Variants in FAM241A observed in about 807,000 individuals in gnomAD.
FAM241A encodes uncharacterized protein FAM241A.
A neutral mutation model predicts 12.2 loss-of-function variants in FAM241A; 7 were observed. That is an observed-to-expected ratio of 0.58 (90% CI 0.33 to 1.08). The LOEUF is 1.08. Ranked by LOEUF, FAM241A falls within the 50% of genes least tolerant of loss-of-function variation. The probability of loss-of-function intolerance (pLI) is 0.04; values close to 1 mark genes in which losing one functional copy is unlikely to be tolerated. For synonymous variants in FAM241A, 74 were observed against 68.2 expected, an observed-to-expected ratio of 1.08 and a Z score of -0.42; for missense variants, 161 against 169.7, an observed-to-expected ratio of 0.95 and a Z score of 0.29.
chr4:112,153,501 G>C (rs1451125400), intron 1 of FAM241A, among the ~76,000 whole-genome samples: 1 of 152,136 alleles, frequency 6.6e-6, no homozygotes, highest in Admixed American at 6.6e-5. Context: ...GTTCCTACTA[G>C]TTATGTTTTA....
intron 1 of FAM241A, among the ~76,000 whole-genome samples, chr4:112,162,081 C>T (rs1723483704): frequency 6.6e-6 from 1 of 152,138 alleles, no homozygotes; most frequent in African/African-American, 2.4e-5. Context: ...TCAAGAGATG[C>T]AGAAAAGGCC....
Position 112,187,810 on chromosome 4 carries a change from C to T in FAM241A, c.*872C>T, listed in dbSNP as rs1319831521. On this transcript the variant is annotated 3_prime_UTR_variant, in exon 2 of 2. Coordinates refer to ENST00000309733, the MANE Select transcript of FAM241A (RefSeq NM_152400.3). The stretch of plus-strand genomic sequence containing the variant: ...ATAATTTTATAGTTCTTTCATAACA[C>T]TTATTCTGAGTTTTGAAACAATGTA... The T allele has an allele frequency of 6.6e-6, 1 of 152,218 alleles. No homozygotes were observed. Among genetic ancestry groups the T allele is most frequent in the Non-Finnish European group, 1.5e-5 (1 of 67,956 alleles). The allele number at this position is 152,218 out of a possible 1,614,324, so 9.4% of individuals were successfully genotyped here. A position where few individuals can be genotyped will look rare whatever the true frequency, so the allele number is the denominator to read the frequency against.
intron 1 of FAM241A, among the ~76,000 whole-genome samples, chr4:112,162,539 G>C (rs955359891): frequency 1.3e-4 from 20 of 152,072 alleles, no homozygotes; most frequent in African/African-American, 4.6e-4. Flanking sequence ...GAGCCAAATC[G>C]TGAGTGAACT....
intron 1 of FAM241A, among the ~76,000 whole-genome samples, chr4:112,174,000 A>G (rs1250776769): frequency 1.3e-5 from 2 of 152,252 alleles, no homozygotes; most frequent in East Asian, 3.8e-4. Context: ...AGAATTATTC[A>G]TTCAAGAAAA....
intron 1 of FAM241A, among the ~76,000 whole-genome samples, chr4:112,164,008 G>C (rs1221266064): frequency 6.6e-6 from 1 of 151,978 alleles, no homozygotes; most frequent in Admixed American, 6.6e-5. Flanking sequence ...GCAAACTGTT[G>C]CAAGGACAGA....
At position 112,190,022 on chromosome 4, in the gene FAM241A, G is replaced by C. The variant is rs1218397760; in HGVS notation, c.*3084G>C. ...ATCGACCCACCCAAAACTGAATCTG[G>C]CTCTTTCCCTTGTGGGTATTATGGT... On this transcript the variant is annotated 3_prime_UTR_variant, in exon 2 of 2. Transcript: ENST00000309733. 7.1e-6 allele frequency: 1 copy of C among 140,874 alleles called. No homozygotes were observed. Among genetic ancestry groups the C allele is most frequent in the Non-Finnish European group, 1.6e-5 (1 of 64,080 alleles). The allele number at this position is 140,874 out of a possible 1,614,324, so 8.7% of individuals were successfully genotyped here.
intron 1 of FAM241A, among the ~76,000 whole-genome samples, chr4:112,179,932 T>TATAC (rs1220392844): frequency 1.6e-5 from 2 of 128,038 alleles, no homozygotes; most frequent in African/African-American, 2.8e-5. Context: ...TATATATATA[T>TATAC]ATATATGTAT....
Position 112,145,544 on chromosome 4 carries a change from C to T in FAM241A, c.-37C>T. On this transcript the variant is annotated 5_prime_UTR_variant, in exon 1 of 2. Coordinates refer to ENST00000309733, the MANE Select transcript of FAM241A (RefSeq NM_152400.3). ...GCCTGGTGCGTCGCGGCGTGGTCCT[C>T]CGGCGGCTGTCCGGGGCGGTAGGAG... 1 of 1,235,820 alleles carries T rather than the reference C, an allele frequency of 8.1e-7. No individual in the cohort carries two copies. 76.6% of individuals were successfully genotyped at this position (1,235,820 alleles called of 1,614,324 possible).
chr4:112,183,305 A>C lies in FAM241A; in HGVS notation c.154-3388A>C, dbSNP rs891483472. ...TTTATAATTAAAAAAAAAGAAGAAG[A>C]AGCAGGCTGCAACAGCCACAGCTTG... On this transcript the variant is annotated intron_variant, in intron 1 of 1. Transcript: ENST00000309733. 3.3e-5 allele frequency among the ~76,000 whole-genome samples: 5 copies of C among 151,994 alleles called. No homozygotes were observed. In the East Asian group the frequency reaches 5.8e-4, roughly 18 times the overall value.
chr4:112,162,248 G>A lies in FAM241A; in HGVS notation c.153+16515G>A, dbSNP rs562767959. Among the ~76,000 whole-genome samples the A allele has an allele frequency of 5.1e-4, 78 of 152,150 alleles. 1 individual carries two copies. Among genetic ancestry groups the A allele is most frequent in the Non-Finnish European group, 8.7e-4 (59 of 67,992 alleles). Reference sequence around the variant, plus strand: ...GGAAGCATTCCCTTTGAAAACTGGCGCAGGACAGGGATGCCCTCTCTCACC... The same window carrying A: ...GGAAGCATTCCCTTTGAAAACTGGCACAGGACAGGGATGCCCTCTCTCACC... On this transcript the variant is annotated intron_variant, in intron 1 of 1. Transcript: ENST00000309733.
chr4:112,160,697 T>TAA (rs1017803556), intron 1 of FAM241A, among the ~76,000 whole-genome samples: 3 of 152,058 alleles, frequency 2.0e-5, no homozygotes, highest in African/African-American at 4.8e-5. Flanking sequence ...GGTACTGGCA[T>TAA]AAAAACAGAC....
chr4:112,187,620 A>G lies in FAM241A; in HGVS notation c.*682A>G, dbSNP rs1206147536. The G allele has an allele frequency of 6.6e-6, 1 of 152,362 alleles. No homozygotes were observed. The highest frequency in any genetic ancestry group is 1.5e-5 in the Non-Finnish European group (1 of 67,906). The allele number at this position is 152,362 out of a possible 1,614,324, so 9.4% of individuals were successfully genotyped here. A position where few individuals can be genotyped will look rare whatever the true frequency, so the allele number is the denominator to read the frequency against. ...GGACCTAGACCTACTTTAATATATCATTTGAAGTTTCAGACAATTTTGGTG... is the reference window on the plus strand; with the variant it reads ...GGACCTAGACCTACTTTAATATATCGTTTGAAGTTTCAGACAATTTTGGTG... On this transcript the variant is annotated 3_prime_UTR_variant, in exon 2 of 2. Coordinates refer to ENST00000309733, the MANE Select transcript of FAM241A (RefSeq NM_152400.3).
intron 1 of FAM241A, among the ~76,000 whole-genome samples, chr4:112,174,961 A>G (rs982984915): frequency 3.9e-5 from 6 of 152,216 alleles, no homozygotes; most frequent in Non-Finnish European, 8.8e-5. Flanking sequence ...TGCCCAAGGC[A>G]TTTCTCTGTC....
chr4:112,172,910 C>G (rs1723751573), intron 1 of FAM241A, among the ~76,000 whole-genome samples: 2 of 152,082 alleles, frequency 1.3e-5, no homozygotes, highest in Non-Finnish European at 2.9e-5. Flanking sequence ...TGTTTTGAGG[C>G]AAGGTCTGGC....
At chr4:112,180,398 A>G (rs1723910486) in intron 1 of FAM241A, among the ~76,000 whole-genome samples, 1 of 152,192 alleles carries the variant, frequency 6.6e-6, no homozygotes, top group Non-Finnish European at 1.5e-5. Flanking sequence ...ATAATTTAAA[A>G]TTAAAACTTT....
chr4:112,147,401 C>T (rs1007219060), intron 1 of FAM241A, among the ~76,000 whole-genome samples: 2 of 152,182 alleles, frequency 1.3e-5, no homozygotes, highest in Admixed American at 1.3e-4. Context: ...GCATTTCCTA[C>T]TACATTAGCA....
chr4:112,176,948 T>C (rs1408388954), intron 1 of FAM241A, among the ~76,000 whole-genome samples: 2 of 152,218 alleles, frequency 1.3e-5, no homozygotes, highest in African/African-American at 4.8e-5. Context: ...TGCACTCATG[T>C]ACTGGTTTAT....
intron 1 of FAM241A, among the ~76,000 whole-genome samples, chr4:112,172,549 T>C (rs1021739781): frequency 2.0e-5 from 3 of 152,240 alleles, no homozygotes; most frequent in Admixed American, 6.5e-5. Flanking sequence ...CCAATTCTTT[T>C]GATTTAGTTT....
intron 1 of FAM241A, among the ~76,000 whole-genome samples, chr4:112,177,189 C>T (rs1481967197): frequency 6.6e-6 from 1 of 151,964 alleles, no homozygotes; most frequent in Non-Finnish European, 1.5e-5. Context: ...AACTTTTCTG[C>T]TTGAATACTT....
Sources: allele counts gnomAD v4.1 joint callset (sites outside exome capture counted in the v4.1 genomes callset), GRCh38; gene constraint gnomAD v4.1.1; transcripts MANE v1.5; gene names NCBI Gene and HGNC (gene_info 2026-07-23, HGNC 2026-07-21).